Variants in AGBL3 observed in about 807,000 individuals in gnomAD.
AGBL3 encodes the protein cytosolic carboxypeptidase 3.
Under a neutral mutation model 94.5 loss-of-function variants are expected in AGBL3, and 68 were observed. The ratio of observed to expected loss-of-function variants is 0.72; its 90% CI spans 0.59 to 0.88. The LOEUF is 0.88. Ranked by LOEUF, AGBL3 falls within the 40% of genes least tolerant of loss-of-function variation. The pLI, the probability that AGBL3 is intolerant of heterozygous loss-of-function variation, is 0.00. For missense variants in AGBL3, 934 were observed against 1,103.8 expected (o/e 0.85, Z 2.18); for synonymous variants, 354 against 370.7 (o/e 0.95, Z 0.52).
rs183362983 is a variant in AGBL3, at chr7:135,073,755, G to A, written c.1909-2642G>A. On this transcript the variant is annotated intron_variant, in intron 12 of 16. Transcript: ENST00000436302. Reference sequence around the variant, plus strand: ...TACGTGACTGGGGGCTACATACACCGGTAATTAGAAAGAAACTGAACAGGA... The same window carrying A: ...TACGTGACTGGGGGCTACATACACCAGTAATTAGAAAGAAACTGAACAGGA... 9.9e-4 allele frequency among the ~76,000 whole-genome samples: 151 copies of A among 152,112 alleles called. 1 individual carries two copies. The highest frequency in any genetic ancestry group is 3.3e-3 in the African/African-American group (139 of 41,506).
intron 4 of AGBL3, chr7:135,010,341 G>C (rs1036792640): frequency 1.4e-5 from 3 of 213,420 alleles, no homozygotes; most frequent in Non-Finnish European, 2.9e-5. Context: ...GTATCTCTTA[G>C]CTGACATTGG....
At chr7:135,039,373 T>C (rs1305577252) in intron 8 of AGBL3, among the ~76,000 whole-genome samples, 1 of 152,002 alleles carries the variant, frequency 6.6e-6, no homozygotes. Flanking sequence ...ATATGTAACA[T>C]GAAATTTTAT....
intron 16 of AGBL3, among the ~76,000 whole-genome samples, chr7:135,125,224 T>G (rs1827707858): frequency 6.6e-6 from 1 of 151,928 alleles, no homozygotes; most frequent in Non-Finnish European, 1.5e-5. Context: ...TCACCACTGA[T>G]CCCACAGAAA....
At chr7:135,123,667 G>A (rs1201797908) in intron 16 of AGBL3, among the ~76,000 whole-genome samples, 1 of 152,100 alleles carries the variant, frequency 6.6e-6, no homozygotes, top group Non-Finnish European at 1.5e-5. Flanking sequence ...TCTACAAAGG[G>A]AAGCCCATCA....
chr7:135,096,447 T>C (rs2116965453), intron 15 of AGBL3, among the ~76,000 whole-genome samples: 1 of 151,308 alleles, frequency 6.6e-6, no homozygotes, highest in South Asian at 2.1e-4. Flanking sequence ...TATATGGCTA[T>C]TCTTTTAATG....
At chr7:135,013,501 TC>T (rs1351670890) in intron 4 of AGBL3, among the ~76,000 whole-genome samples, 3 of 152,132 alleles carry the variant, frequency 2.0e-5, no homozygotes, top group African/African-American at 7.2e-5. Flanking sequence ...ATGATAAAGA[TC>T]TATGTATATT....
intron 7 of AGBL3, among the ~76,000 whole-genome samples, chr7:135,035,208 C>T (rs1251225244): frequency 6.6e-6 from 1 of 151,990 alleles, no homozygotes; most frequent in Non-Finnish European, 1.5e-5. Context: ...TTGCATATCC[C>T]AAATTTGGCT....
chr7:135,029,519 G>C (rs1815497362), intron 5 of AGBL3, among the ~76,000 whole-genome samples: 1 of 151,996 alleles, frequency 6.6e-6, no homozygotes, highest in Non-Finnish European at 1.5e-5. Flanking sequence ...GAATTGAAGA[G>C]AATTAGGGCC....
chr7:135,009,004 G>A (rs1812762226), intron 4 of AGBL3, among the ~76,000 whole-genome samples: 1 of 152,184 alleles, frequency 6.6e-6, no homozygotes, highest in African/African-American at 2.4e-5. Flanking sequence ...CATGTGGAGA[G>A]ATTGGAACCC....
chr7:135,038,432 T>C (rs887951195), intron 8 of AGBL3, among the ~76,000 whole-genome samples: 2 of 152,246 alleles, frequency 1.3e-5, no homozygotes, highest in South Asian at 4.1e-4. Context: ...CTCTTAGGTA[T>C]AGTTTATTAC....
At chr7:135,082,516 AT>A (rs1467992306) in intron 15 of AGBL3, among the ~76,000 whole-genome samples, 1 of 151,992 alleles carries the variant, frequency 6.6e-6, no homozygotes, top group Non-Finnish European at 1.5e-5. Flanking sequence ...ATATATCTTT[AT>A]TTTTATTTGC....
intron 16 of AGBL3, among the ~76,000 whole-genome samples, chr7:135,134,300 T>C (rs1352358448): frequency 2.0e-5 from 3 of 152,130 alleles, no homozygotes; most frequent in African/African-American, 7.2e-5. Context: ...ATTGAAAGTA[T>C]AGCTGAAATT....
At chr7:134,987,721 CTT>C (rs1430487337) in intron 1 of AGBL3, among the ~76,000 whole-genome samples, 152 bp from the exon 2 acceptor site, 1 of 152,056 alleles carries the variant, frequency 6.6e-6, no homozygotes, top group Admixed American at 6.5e-5. Context: ...TCCTTTAACT[CTT>C]TGAAATTGAA....
Position 135,050,530 on chromosome 7 carries a change from T to C in AGBL3, c.1841+4619T>C, listed in dbSNP as rs191027063. On this transcript the variant is annotated intron_variant, in intron 11 of 16. Coordinates refer to ENST00000436302, the MANE Select transcript of AGBL3 (RefSeq NM_178563.4). ...CCGTTTCTCTCTTCGGTTCTATCAA[T>C]GTTTGCTTTATGTATTTAGGTGCTC... Among the ~76,000 whole-genome samples, 17 of 136,874 alleles carry C rather than the reference T, an allele frequency of 1.2e-4. No individual in the cohort carries two copies. In the East Asian group the frequency reaches 3.7e-3, roughly 30 times the overall value. The allele number at this position is 136,874 out of a possible 152,430, so 89.8% of individuals were successfully genotyped here.
At chr7:135,098,086 GACAA>G (rs1320763049) in intron 15 of AGBL3, among the ~76,000 whole-genome samples, 5 of 152,136 alleles carry the variant, frequency 3.3e-5, no homozygotes, top group African/African-American at 9.7e-5. Context: ...GGGCCTAAAT[GACAA>G]ACAGTTAGTC....
chr7:135,080,566 G>C (rs931064817), intron 14 of AGBL3, among the ~76,000 whole-genome samples: 1 of 152,124 alleles, frequency 6.6e-6, no homozygotes, highest in Non-Finnish European at 1.5e-5. Flanking sequence ...CTAAGGTTTT[G>C]AAAGGCTTGC....
chr7:135,024,838 T>A (rs1363161780), intron 5 of AGBL3, among the ~76,000 whole-genome samples: 1 of 148,394 alleles, frequency 6.7e-6, no homozygotes, highest in Non-Finnish European at 1.5e-5. Flanking sequence ...AAGAATTACA[T>A]AATACAGTTA....
chr7:135,094,627 A>G, intron 15 of AGBL3: 1 of 433,102 alleles, frequency 2.3e-6, no homozygotes, highest in Non-Finnish European at 4.6e-6. Flanking sequence ...ATACACCCAG[A>G]GCATTCTCCG....
Position 135,032,990 on chromosome 7 carries a change from C to G in AGBL3, c.557+8C>G. The G allele has an allele frequency of 1.3e-6, 2 of 1,538,796 alleles. No homozygotes were observed. Among genetic ancestry groups the G allele is most frequent in the Non-Finnish European group, 1.8e-6 (2 of 1,141,940 alleles). On this transcript the variant is annotated splice_region_variant and intron_variant, in intron 6 of 16. Transcript: ENST00000436302. The stretch of plus-strand genomic sequence containing the variant: ...ACAGAAGGTAGTCAAAGTGTAGGTT[C>G]TAATTATTTTTATTTAAGGAGCTAG...
Sources: allele counts gnomAD v4.1 joint callset (sites outside exome capture counted in the v4.1 genomes callset), GRCh38; gene constraint gnomAD v4.1.1; transcripts MANE v1.5; gene names NCBI Gene and HGNC (gene_info 2026-07-23, HGNC 2026-07-21).